The following PLXDC2 variants were observed in gnomAD, a reference collection of about 807,000 sequenced individuals.
The protein encoded by PLXDC2 is plexin domain-containing protein 2.
PLXDC2 carries 40 observed loss-of-function variants against 68.9 expected under a neutral mutation model. The ratio of observed to expected loss-of-function variants is 0.58; its 90% CI spans 0.45 to 0.76. The LOEUF (loss-of-function observed/expected upper bound fraction) is 0.76, where lower values mean the gene tolerates loss of function less well. Ranked by LOEUF, PLXDC2 falls within the 30% of genes least tolerant of loss-of-function variation. The pLI is 0.00. For missense variants in PLXDC2, 644 were observed against 661.9 expected, an observed-to-expected ratio of 0.97 and a Z score of 0.30; for synonymous variants, 243 against 234.2, an observed-to-expected ratio of 1.04 and a Z score of -0.34.
rs1341382819 is a variant in PLXDC2 at position 19,816,642 on chromosome 10, C to CTA, written c.-437_-436dup. ...AAAGTTCCTGCAGAGCCGACCAGCC[C>CTA]TAGTGGATCTGGGGCAGGCAGCGGC... On this transcript the variant is annotated 5_prime_UTR_variant, in exon 1 of 14. Coordinates refer to ENST00000377252, the MANE Select transcript of PLXDC2 (RefSeq NM_032812.9). 3 of 225,916 alleles carry CTA rather than the reference C, an allele frequency of 1.3e-5. No homozygotes were observed. The highest frequency in any genetic ancestry group is 6.8e-5 in the African/African-American group (3 of 44,116). 14.0% of individuals were successfully genotyped at this position (225,916 alleles called of 1,614,324 possible).
At chr10:20,081,354 A>G (rs1836553976) in intron 4 of PLXDC2, among the ~76,000 whole-genome samples, 1 of 152,300 alleles carries the variant, frequency 6.6e-6, no homozygotes, top group East Asian at 1.9e-4. Flanking sequence ...CAGCCTAAAG[A>G]TACAGACCTA....
chr10:19,983,311 C>G (rs1003924319), intron 1 of PLXDC2, among the ~76,000 whole-genome samples: 1 of 152,102 alleles, frequency 6.6e-6, no homozygotes, highest in Non-Finnish European at 1.5e-5. Context: ...AGAGGACATA[C>G]TGTTAATCTT....
At chr10:19,837,385 T>TGAGAGAGA (rs149222127) in intron 1 of PLXDC2, among the ~76,000 whole-genome samples, 1 of 139,196 alleles carries the variant, frequency 7.2e-6, no homozygotes, top group East Asian at 2.1e-4. Context: ...ATTGAGTAAG[T>TGAGAGAGA]GAGAGAGAGA....
At chr10:19,946,570 A>G (rs908371383) in intron 1 of PLXDC2, among the ~76,000 whole-genome samples, 3 of 151,434 alleles carry the variant, frequency 2.0e-5, no homozygotes, top group Admixed American at 2.0e-4. Flanking sequence ...GCCTGCTGTA[A>G]TCTCCAGCAG....
rs189499332 is a variant in PLXDC2, at chr10:19,893,464, C to A, written c.112+76273C>A. On this transcript the variant is annotated intron_variant, in intron 1 of 13. Coordinates refer to ENST00000377252, the MANE Select transcript of PLXDC2 (RefSeq NM_032812.9). ...CATTTTTGTAATGGTCATTCTCAGT[C>A]GTAAATGTCTTTAGAAAGTCATCTA... Among the ~76,000 whole-genome samples the A allele has an allele frequency of 9.1e-4, 138 of 152,216 alleles. 1 individual carries two copies. Among genetic ancestry groups the A allele is most frequent in the African/African-American group, 3.1e-3 (129 of 41,542 alleles).
intron 3 of PLXDC2, among the ~76,000 whole-genome samples, chr10:20,058,476 G>A (rs1836040584): frequency 6.6e-6 from 1 of 152,116 alleles, no homozygotes; most frequent in South Asian, 2.1e-4. Context: ...TCCTAAGGTT[G>A]TCATTAGGAC....
chr10:19,989,838 C>T (rs1278860596), intron 1 of PLXDC2, among the ~76,000 whole-genome samples: 1 of 151,030 alleles, frequency 6.6e-6, no homozygotes, highest in Non-Finnish European at 1.5e-5. Flanking sequence ...CAACCTCCAT[C>T]CCCTGGGTTT....
intron 1 of PLXDC2, among the ~76,000 whole-genome samples, chr10:19,860,758 A>C (rs1225985073): frequency 6.6e-6 from 1 of 152,100 alleles, no homozygotes; most frequent in Admixed American, 6.5e-5. Flanking sequence ...ACAACTCTCA[A>C]CTCAGCAGGT....
intron 7 of PLXDC2, among the ~76,000 whole-genome samples, chr10:20,173,672 T>C (rs758835154): frequency 6.6e-6 from 1 of 152,208 alleles, no homozygotes; most frequent in Non-Finnish European, 1.5e-5. Flanking sequence ...TATTGATCTA[T>C]TGGAGTTGAA....
intron 9 of PLXDC2, among the ~76,000 whole-genome samples, chr10:20,181,379 C>T (rs1014389313): frequency 1.3e-5 from 2 of 151,980 alleles, no homozygotes; most frequent in South Asian, 2.1e-4. Flanking sequence ...CCATAACTCT[C>T]ATGGAGTTTG....
chr10:20,176,010 A>G (rs1214408459), intron 7 of PLXDC2, among the ~76,000 whole-genome samples: 1 of 152,114 alleles, frequency 6.6e-6, no homozygotes, highest in African/African-American at 2.4e-5. Context: ...GGGGATTTTA[A>G]GTATATTTAA....
intron 1 of PLXDC2, among the ~76,000 whole-genome samples, chr10:19,878,546 G>A (rs1837674938): frequency 6.6e-6 from 1 of 152,032 alleles, no homozygotes; most frequent in Admixed American, 6.6e-5. Flanking sequence ...GAAAGTCTTT[G>A]GATAACTATA....
intron 4 of PLXDC2, among the ~76,000 whole-genome samples, chr10:20,126,828 A>ATATAGAACATACATGTGTG (rs1833797588): frequency 1.3e-5 from 1 of 77,182 alleles, no homozygotes; most frequent in Admixed American, 1.7e-4. Flanking sequence ...ATATATGTGT[A>ATATAGAACATACATGTGTG]TATATAATAT....
chr10:19,872,189 A>G (rs980314688), intron 1 of PLXDC2, among the ~76,000 whole-genome samples: 2 of 152,194 alleles, frequency 1.3e-5, no homozygotes, highest in Admixed American at 1.3e-4. Context: ...CAGGACATGA[A>G]CGAAGACATC....
intron 5 of PLXDC2, among the ~76,000 whole-genome samples, chr10:20,145,711 G>A (rs1278588674): frequency 6.6e-6 from 1 of 151,956 alleles, no homozygotes; most frequent in Non-Finnish European, 1.5e-5. Flanking sequence ...CACCACGCCC[G>A]GCTAATTTTT....
Position 19,937,286 on chromosome 10 carries a change from G to A in PLXDC2, c.113-64489G>A, listed in dbSNP as rs147269129. ...TGGATGGTCTTAGTCCCACATCTTTGTGATCATTTCCAGACCTTTGCTTGG... is the reference window on the plus strand; with the variant it reads ...TGGATGGTCTTAGTCCCACATCTTTATGATCATTTCCAGACCTTTGCTTGG... On this transcript the variant is annotated intron_variant, in intron 1 of 13. Coordinates refer to ENST00000377252, the MANE Select transcript of PLXDC2 (RefSeq NM_032812.9). Among the ~76,000 whole-genome samples, 599 of 152,066 alleles carry A rather than the reference G, an allele frequency of 3.9e-3. 3 individuals are homozygous for A. The highest frequency in any genetic ancestry group is 0.014 in the African/African-American group (569 of 41,470).
intron 1 of PLXDC2, among the ~76,000 whole-genome samples, chr10:19,978,238 T>G (rs905916081): frequency 1.3e-5 from 2 of 152,216 alleles, no homozygotes; most frequent in African/African-American, 4.8e-5. Context: ...AGATTCAGCT[T>G]ACAGTCTTTA....
At chr10:20,031,805 ATTATTTATTTAT>A (rs144152981) in intron 2 of PLXDC2, among the ~76,000 whole-genome samples, 2,670 of 148,368 alleles carry the variant, frequency 0.018, 77 homozygotes, top group African/African-American at 0.061. Context: ...AGTTGTTTTT[ATTATTTATTTAT>A]TTATTTATTT....
At chr10:19,987,839 A>G (rs1834673555) in intron 1 of PLXDC2, among the ~76,000 whole-genome samples, 2 of 152,090 alleles carry the variant, frequency 1.3e-5, no homozygotes, top group African/African-American at 4.8e-5. Context: ...AAGTGCTGGG[A>G]TTACAGGCGT....
Sources: allele counts gnomAD v4.1 joint callset (sites outside exome capture counted in the v4.1 genomes callset), GRCh38; gene constraint gnomAD v4.1.1; transcripts MANE v1.5; gene names NCBI Gene and HGNC (gene_info 2026-07-23, HGNC 2026-07-21).